ZNF521: variants seen among roughly 807,000 people sequenced by gnomAD.
ZNF521 encodes the protein LYST-interacting protein 3.
ZNF521 carries 14 observed loss-of-function variants against 105.5 expected under a neutral mutation model. The ratio of observed to expected loss-of-function variants is 0.13; its 90% CI spans 0.09 to 0.21. ZNF521 has a LOEUF of 0.21. Ranked by LOEUF, ZNF521 falls within the 10% of genes least tolerant of loss-of-function variation. The pLI is 1.00. For synonymous variants in ZNF521, 635 were observed against 606.0 expected (o/e 1.05, Z -0.70); for missense variants, 1,233 against 1,629.7 (o/e 0.76, Z 4.19).
intron 5 of ZNF521, among the ~76,000 whole-genome samples, chr18:25,127,656 G>T (rs2034562484): frequency 6.6e-6 from 1 of 151,920 alleles, no homozygotes; most frequent in Non-Finnish European, 1.5e-5. Flanking sequence ...AATATTGATT[G>T]CATTAAGAGA....
At chr18:25,254,848 A>G (rs1338289247) in intron 3 of ZNF521, among the ~76,000 whole-genome samples, 1 of 152,066 alleles carries the variant, frequency 6.6e-6, no homozygotes, top group East Asian at 1.9e-4. Context: ...AGACCCTTGG[A>G]CTTCTATAAT....
chr18:25,107,251 C>T (rs542279582), intron 5 of ZNF521, among the ~76,000 whole-genome samples: 1 of 152,306 alleles, frequency 6.6e-6, no homozygotes, highest in African/African-American at 2.4e-5. Context: ...TAATACTTGG[C>T]CTATGGTAAC....
intron 5 of ZNF521, among the ~76,000 whole-genome samples, chr18:25,114,767 T>C (rs751933927): frequency 8.5e-5 from 13 of 152,186 alleles, no homozygotes; most frequent in Non-Finnish European, 1.3e-4. Context: ...AACATCTCTA[T>C]CCTTAACACA....
intron 5 of ZNF521, among the ~76,000 whole-genome samples, chr18:25,194,951 T>C (rs1400066134): frequency 6.6e-6 from 1 of 151,514 alleles, no homozygotes; most frequent in Non-Finnish European, 1.5e-5. Flanking sequence ...AGATATATAA[T>C]CCTCTGCAGA....
intron 2 of ZNF521, among the ~76,000 whole-genome samples, chr18:25,330,666 A>C (rs1483368330): frequency 6.6e-6 from 1 of 152,224 alleles, no homozygotes; most frequent in East Asian, 1.9e-4. Flanking sequence ...TCTTCTTTAA[A>C]TATATCATTA....
intron 5 of ZNF521, among the ~76,000 whole-genome samples, chr18:25,140,010 G>C (rs527928386): frequency 6.6e-6 from 1 of 152,250 alleles, no homozygotes; most frequent in Non-Finnish European, 1.5e-5. Context: ...CAGGTGCCTT[G>C]ATCTCCAACT....
At chr18:25,258,892 A>G (rs1908704490) in intron 3 of ZNF521, among the ~76,000 whole-genome samples, 4 of 152,196 alleles carry the variant, frequency 2.6e-5, no homozygotes, top group African/African-American at 2.4e-5. Flanking sequence ...ATAAAATATT[A>G]TAATAAAAAT....
intron 3 of ZNF521, among the ~76,000 whole-genome samples, chr18:25,265,666 G>C (rs1273914620): frequency 1.1e-4 from 17 of 152,136 alleles, no homozygotes. Context: ...TAAAAATAGA[G>C]CTACCCTATC....
chr18:25,270,456 T>C (rs1345403527), intron 3 of ZNF521, among the ~76,000 whole-genome samples: 1 of 152,138 alleles, frequency 6.6e-6, no homozygotes, highest in Non-Finnish European at 1.5e-5. Flanking sequence ...TACCAAAACC[T>C]GGTAGAGACA....
At chr18:25,175,892 C>T (rs1317523952) in intron 5 of ZNF521, among the ~76,000 whole-genome samples, 2 of 152,200 alleles carry the variant, frequency 1.3e-5, no homozygotes, top group Non-Finnish European at 2.9e-5. Flanking sequence ...AAAAATGCCA[C>T]CTTTACAAAA....
chr18:25,268,912 C>T (rs1909451268), intron 3 of ZNF521, among the ~76,000 whole-genome samples: 2 of 152,142 alleles, frequency 1.3e-5, no homozygotes, highest in African/African-American at 4.8e-5. Flanking sequence ...ATGGCAGGAT[C>T]AAATTCACAC....
intron 7 of ZNF521, among the ~76,000 whole-genome samples, chr18:25,063,728 G>A (rs548126099): frequency 6.6e-6 from 1 of 152,242 alleles, no homozygotes; most frequent in African/African-American, 2.4e-5. Context: ...CAGGATATTT[G>A]CCTGGAGCAT....
chr18:25,347,062 A>AT (rs1413342098), intron 2 of ZNF521, among the ~76,000 whole-genome samples: 2 of 152,232 alleles, frequency 1.3e-5, no homozygotes, highest in Admixed American at 6.5e-5. Context: ...GAGGCACCAC[A>AT]AGAAAGAGAA....
chr18:25,095,332 A>C (rs949390008), intron 5 of ZNF521, among the ~76,000 whole-genome samples: 1 of 152,160 alleles, frequency 6.6e-6, no homozygotes, highest in African/African-American at 2.4e-5. Flanking sequence ...CAATCAAAAT[A>C]ACCAATTCTG....
chr18:25,297,739 A>T (rs1008265144), intron 3 of ZNF521, among the ~76,000 whole-genome samples: 9 of 152,250 alleles, frequency 5.9e-5, no homozygotes, highest in African/African-American at 2.2e-4. Flanking sequence ...AGAAATAAAC[A>T]GTTTCTCTAC....
intron 4 of ZNF521, among the ~76,000 whole-genome samples, chr18:25,218,421 G>A (rs1370579030): frequency 6.9e-6 from 1 of 144,804 alleles, no homozygotes; most frequent in Admixed American, 7.2e-5. Flanking sequence ...CACTTTGGGA[G>A]ACCAAGGCAG....
chr18:25,139,430 T>TCTGTA (rs1280163312), intron 5 of ZNF521, among the ~76,000 whole-genome samples: 1 of 121,404 alleles, frequency 8.2e-6, no homozygotes, highest in Non-Finnish European at 1.7e-5. Flanking sequence ...AGCAAAGGAA[T>TCTGTA]CTGTAGCAAA....
intron 3 of ZNF521, among the ~76,000 whole-genome samples, chr18:25,292,047 G>C (rs79562917): frequency 0.017 from 2,556 of 152,232 alleles, 83 homozygotes; most frequent in African/African-American, 0.058. Flanking sequence ...AAAAAAAGGA[G>C]GGGAATAAAA....
intron 5 of ZNF521, among the ~76,000 whole-genome samples, chr18:25,108,655 C>T (rs1397154275): frequency 6.6e-6 from 1 of 152,118 alleles, no homozygotes; most frequent in Middle Eastern, 3.2e-3. Flanking sequence ...GACAGAGTCT[C>T]ACTCTGTTGC....
Sources: gnomAD v4.1 joint callset for allele counts (sites outside exome capture counted in the v4.1 genomes callset) on GRCh38, gnomAD v4.1.1 for gene constraint, MANE v1.5 for transcripts, NCBI Gene and HGNC (gene_info 2026-07-23, HGNC 2026-07-21) for gene names.